The following MTARC2 variants were observed in gnomAD, a reference collection of about 807,000 sequenced individuals.
MTARC2 encodes mitochondrial amidoxime reducing component 2.
Under a neutral mutation model 35.6 loss-of-function variants are expected in MTARC2, and 27 were observed. The ratio of observed to expected loss-of-function variants is 0.76; its 90% confidence interval spans 0.56 to 1.04. The LOEUF is 1.04. Ranked by LOEUF, MTARC2 falls within the 50% of genes least tolerant of loss-of-function variation. The pLI, the probability that MTARC2 is intolerant of heterozygous loss-of-function variation, is 0.00. For missense variants in MTARC2, 412 were observed against 432.5 expected (o/e 0.95, Z 0.42); for synonymous variants, 158 against 167.1 (o/e 0.95, Z 0.42).
chr1:220,751,449 A>C (rs1158351371), intron 1 of MTARC2, among the ~76,000 whole-genome samples: 1 of 152,076 alleles, frequency 6.6e-6, no homozygotes, highest in Non-Finnish European at 1.5e-5. Flanking sequence ...ACCCTTACTG[A>C]AGCCAGTCCT....
At chr1:220,783,015 T>C (rs1298821200) in intron 7 of MTARC2, among the ~76,000 whole-genome samples, 1 of 152,222 alleles carries the variant, frequency 6.6e-6, no homozygotes, top group African/African-American at 2.4e-5. Context: ...ATAGTGGGTA[T>C]AAAGATGACA....
Position 220,754,928 on chromosome 1 carries a change from C to G in MTARC2, c.273-19C>G, listed in dbSNP as rs756348689. ...TGGAAGAGGATTTTCTGAGTGTGCC[C>G]TGGTTTGTTTCTCTGCAGGTTTTGG... On this transcript the variant is annotated intron_variant, in intron 1 of 7. Transcript: ENST00000366913. 6.4e-7 allele frequency: 1 copy of G among 1,557,998 alleles called. No homozygotes were observed. Among genetic ancestry groups the G allele is most frequent in the Admixed American group, 1.9e-5 (1 of 53,520 alleles).
chr1:220,757,499 A>G (rs1426416037), intron 2 of MTARC2, among the ~76,000 whole-genome samples: 5 of 152,206 alleles, frequency 3.3e-5, no homozygotes, highest in Non-Finnish European at 2.9e-5. Flanking sequence ...ACAAAATACC[A>G]TAGTCTGGGT....
chr1:220,768,868 C>T (rs980552801), intron 4 of MTARC2, among the ~76,000 whole-genome samples: 5 of 152,134 alleles, frequency 3.3e-5, no homozygotes, highest in Non-Finnish European at 5.9e-5. Context: ...TCCCTGCAGG[C>T]GTTTGTGGCA....
At position 220,766,786 on chromosome 1, in the gene MTARC2, T is replaced by C. The variant is rs568145828; in HGVS notation, c.750+3736T>C. 6.5e-4 allele frequency among the ~76,000 whole-genome samples: 99 copies of C among 151,698 alleles called. 1 individual carries two copies. Among genetic ancestry groups the C allele is most frequent in the African/African-American group, 2.3e-3 (94 of 41,390 alleles). On this transcript the variant is annotated intron_variant, in intron 4 of 7. Coordinates refer to ENST00000366913, the MANE Select transcript of MTARC2 (RefSeq NM_017898.5). ...CTAATGTAAACCTAATCCTGCTTTC[T>C]TGGGCAGTGAGAGTGGAGTTGTCTC...
rs200551144 is a variant in MTARC2 at position 220,754,956 on chromosome 1, G to A, written c.282G>A (p.Leu94=). The change falls in exon 2 of 8, where the codon CTG becomes CTA. Residue 94 remains leucine, a synonymous_variant. Coordinates refer to ENST00000366913, the MANE Select transcript of MTARC2 (RefSeq NM_017898.5). The stretch of plus-strand genomic sequence containing the variant: ...GTTTGTTTCTCTGCAGGTTTTGGCT[G>A]GTGATTAAGGAAGATGGACACATGG... The part of the protein sequence containing the change: ...RSGNLRDRFW[L]VIKEDGHMVT... The A allele has an allele frequency of 3.8e-6, 6 of 1,584,462 alleles. No individual in the cohort carries two copies. In the African/African-American group the frequency reaches 6.8e-5, roughly 18 times the overall value.
chr1:220,759,758 A>C (rs3820354), intron 2 of MTARC2, among the ~76,000 whole-genome samples: 15,605 of 152,112 alleles, frequency 0.1, 1,698 homozygotes, highest in African/African-American at 0.26. Context: ...TGTAGAGCCA[A>C]GAATTAATCA....
At chr1:220,771,144 C>T (rs566156713) in intron 4 of MTARC2, among the ~76,000 whole-genome samples, 2 of 152,140 alleles carry the variant, frequency 1.3e-5, no homozygotes, top group African/African-American at 2.4e-5. Context: ...ATTAAAAATA[C>T]GAAAATTAGC....
Position 220,784,148 on chromosome 1 carries a change from T to C in MTARC2, c.*261T>C. 2.1e-6 allele frequency: 1 copy of C among 480,816 alleles called. No homozygotes were observed. Among genetic ancestry groups the C allele is most frequent in the East Asian group, 3.2e-5 (1 of 31,466 alleles). 29.8% of individuals were successfully genotyped at this position (480,816 alleles called of 1,614,324 possible). A position where few individuals can be genotyped will look rare whatever the true frequency, so the allele number is the denominator to read the frequency against. On this transcript the variant is annotated 3_prime_UTR_variant, in exon 8 of 8. Transcript: ENST00000366913. ...CTGAAGGCTTTAAAAATAATTAAGA[T>C]CATCAAAAATGCTATTTTGAATGTT...
intron 1 of MTARC2, among the ~76,000 whole-genome samples, chr1:220,752,701 G>T (rs543873831): frequency 6.6e-6 from 1 of 152,056 alleles, no homozygotes; most frequent in African/African-American, 2.4e-5. Context: ...AAAAAGATCA[G>T]TTGGGCGTGG....
intron 2 of MTARC2, among the ~76,000 whole-genome samples, chr1:220,758,205 G>T (rs6683301): frequency 2.0e-5 from 3 of 151,654 alleles, no homozygotes; most frequent in Admixed American, 2.0e-4. Context: ...CCATGGTCTC[G>T]ATCTCCTGAC....
intron 4 of MTARC2, chr1:220,770,472 T>A: frequency 2.0e-6 from 2 of 985,402 alleles, no homozygotes; most frequent in Non-Finnish European, 2.4e-6. Context: ...CGATCCCTTG[T>A]AAGGAGAGGT....
chr1:220,761,782 T>C lies in MTARC2; in HGVS notation c.571T>C (p.Ser191Pro). 5.0e-6 allele frequency: 8 copies of C among 1,612,922 alleles called. No individual in the cohort carries two copies. The highest frequency in any genetic ancestry group is 6.8e-6 in the Non-Finnish European group (8 of 1,179,686). ...QFETNMKGRT[S>P]RKLLPTLDQN... The stretch of plus-strand genomic sequence containing the variant: ...TGAGACAAACATGAAGGGAAGAACA[T>C]CAAGAAAACTTCTCCCCACTCTTGA... The change falls in exon 3 of 8, where the codon TCA (serine) becomes CCA (proline). Residue 191 changes from serine to proline, a missense_variant. Ser to Pro is a moderately conservative substitution (Grantham distance 74). Coordinates refer to ENST00000366913, the MANE Select transcript of MTARC2 (RefSeq NM_017898.5).
In MTARC2 at chr1:220,755,033, A is replaced by T; in HGVS notation, c.359A>T (p.Asn120Ile). ...RLVLISIIYE[N>I]NCLIFRAPDM... ...GTGCTCATCTCCATCATTTATGAGA[A>T]TAACTGCCTGATCTTCAGGGCTCCA... Residue 120 changes from asparagine (N) to isoleucine (I), a missense_variant, in exon 2 of 8, where the codon AAT becomes ATT. Physicochemically the swap from Asn to Ile is moderately radical, Grantham distance 149 (BLOSUM62 -3). Transcript: ENST00000366913. The T allele has an allele frequency of 6.2e-7, 1 of 1,613,406 alleles. No homozygotes were observed. Among genetic ancestry groups the T allele is most frequent in the South Asian group, 1.1e-5 (1 of 90,886 alleles).
intron 2 of MTARC2, among the ~76,000 whole-genome samples, 163 bp from the exon 3 acceptor site, chr1:220,761,495 C>A (rs1374316901): frequency 6.6e-6 from 1 of 152,240 alleles, no homozygotes; most frequent in East Asian, 1.9e-4. Flanking sequence ...CCAGAGCACA[C>A]TCTACTCCTT....
chr1:220,750,109 G>A (rs774349442), intron 1 of MTARC2, among the ~76,000 whole-genome samples: 23 of 152,274 alleles, frequency 1.5e-4, no homozygotes, highest in African/African-American at 5.3e-4. Flanking sequence ...GCCAACTCGT[G>A]TAGAATGTTT....
At chr1:220,783,210 T>C (rs540403865) in intron 7 of MTARC2, among the ~76,000 whole-genome samples, 1 of 149,804 alleles carries the variant, frequency 6.7e-6, no homozygotes, top group African/African-American at 2.5e-5. Context: ...AAAATATCAG[T>C]GATGCATAAA....
intron 7 of MTARC2, among the ~76,000 whole-genome samples, chr1:220,782,166 G>A (rs1672091848): frequency 6.6e-6 from 1 of 152,206 alleles, no homozygotes; most frequent in Admixed American, 6.5e-5. Context: ...GCTGATGGAA[G>A]AGGCTCAGCA....
intron 1 of MTARC2, among the ~76,000 whole-genome samples, chr1:220,753,241 A>G (rs758870504): frequency 6.6e-6 from 1 of 151,966 alleles, no homozygotes; most frequent in African/African-American, 2.4e-5. Context: ...AAAAAAGAAA[A>G]AAAAAAGAAA....
Sources: gnomAD v4.1 joint callset for allele counts (sites outside exome capture counted in the v4.1 genomes callset) on GRCh38, gnomAD v4.1.1 for gene constraint, MANE v1.5 for transcripts, NCBI Gene and HGNC (gene_info 2026-07-23, HGNC 2026-07-21) for gene names.